Variants in WDR70 observed in about 807,000 individuals in gnomAD.
The protein encoded by WDR70 is WD repeat-containing protein 70.
A neutral mutation model predicts 88.6 loss-of-function variants in WDR70; 53 were observed. The observed-to-expected ratio is 0.60, with a 90% CI of 0.48 to 0.75. The LOEUF (loss-of-function observed/expected upper bound fraction) is 0.75. WDR70 is among the 30% of genes least tolerant of loss of function. The pLI, the probability that WDR70 is intolerant of heterozygous loss-of-function variation, is 0.00. For missense variants in WDR70, 610 were observed against 823.2 expected, an observed-to-expected ratio of 0.74 and a Z score of 3.17; for synonymous variants, 280 against 270.0, an observed-to-expected ratio of 1.04 and a Z score of -0.36.
chr5:37,750,241 A>C (rs1021379786), intron 17 of WDR70, among the ~76,000 whole-genome samples: 1 of 152,146 alleles, frequency 6.6e-6, no homozygotes, highest in Non-Finnish European at 1.5e-5. Context: ...TATTAAAAAG[A>C]CTAATATCTT....
chr5:37,712,006 T>TC (rs1747526565), intron 13 of WDR70, among the ~76,000 whole-genome samples: 1 of 109,786 alleles, frequency 9.1e-6, no homozygotes, highest in Non-Finnish European at 2.2e-5. Flanking sequence ...TTTTTTTTTT[T>TC]TCTTGAGACG....
intron 10 of WDR70, among the ~76,000 whole-genome samples, chr5:37,679,764 C>T (rs1009407602): frequency 3.3e-5 from 5 of 152,200 alleles, no homozygotes; most frequent in Non-Finnish European, 5.9e-5. Context: ...CTCTTCAGAG[C>T]TGTCAGACCG....
chr5:37,446,338 C>A (rs1197754221), intron 7 of WDR70, among the ~76,000 whole-genome samples: 19 of 152,076 alleles, frequency 1.2e-4, no homozygotes, highest in Admixed American at 8.5e-4. Context: ...TAGGAAGAAT[C>A]AATATCGTGA....
intron 8 of WDR70, among the ~76,000 whole-genome samples, chr5:37,481,032 G>A (rs1739648624): frequency 6.6e-6 from 1 of 152,200 alleles, no homozygotes. Flanking sequence ...GCTCCAAAAT[G>A]ACCTCCTTTG....
intron 17 of WDR70, among the ~76,000 whole-genome samples, chr5:37,743,939 C>T (rs955653973): frequency 6.6e-6 from 1 of 152,188 alleles, no homozygotes; most frequent in Non-Finnish European, 1.5e-5. Flanking sequence ...TTAAATGGGT[C>T]CTGCTCCCCA....
intron 10 of WDR70, among the ~76,000 whole-genome samples, chr5:37,629,206 G>A (rs1744747736): frequency 6.6e-6 from 1 of 151,994 alleles, no homozygotes; most frequent in Non-Finnish European, 1.5e-5. Context: ...AATGCTTTTG[G>A]AATTCTTTGT....
At chr5:37,693,359 A>G (rs1746868799) in intron 10 of WDR70, among the ~76,000 whole-genome samples, 1 of 152,192 alleles carries the variant, frequency 6.6e-6, no homozygotes, top group Admixed American at 6.5e-5. Flanking sequence ...GGAAAAAACT[A>G]CTTTAAAGTT....
At chr5:37,434,597 G>A (rs1333390972) in intron 5 of WDR70, among the ~76,000 whole-genome samples, 2 of 152,134 alleles carry the variant, frequency 1.3e-5, no homozygotes, top group Non-Finnish European at 2.9e-5. Flanking sequence ...TAGCCTAGAA[G>A]GGTTGTTTCT....
chr5:37,415,648 G>C (rs1450590460), intron 5 of WDR70, among the ~76,000 whole-genome samples: 1 of 150,366 alleles, frequency 6.7e-6, no homozygotes, highest in Non-Finnish European at 1.5e-5. Context: ...CGGGGCGGCT[G>C]GCCGGGCGGG....
chr5:37,481,331 C>T (rs1279319483), intron 8 of WDR70, among the ~76,000 whole-genome samples: 1 of 140,044 alleles, frequency 7.1e-6, no homozygotes, highest in African/African-American at 3.3e-5. Context: ...TCCATGAGGG[C>T]CCCCCCCGCT....
chr5:37,397,427 C>T (rs1316862390), intron 5 of WDR70, among the ~76,000 whole-genome samples: 2 of 149,088 alleles, frequency 1.3e-5, no homozygotes, highest in Non-Finnish European at 3.0e-5. Context: ...TGAGATTGTG[C>T]CATTGCACGC....
At chr5:37,622,194 A>G (rs531951706) in intron 10 of WDR70, among the ~76,000 whole-genome samples, 1 of 152,298 alleles carries the variant, frequency 6.6e-6, no homozygotes, top group Admixed American at 6.5e-5. Context: ...ACAATGAGAT[A>G]CCATCTCTCA....
chr5:37,724,253 T>G (rs774697435), intron 15 of WDR70: 1 of 152,188 alleles, frequency 6.6e-6, no homozygotes, highest in African/African-American at 2.4e-5. Context: ...TCTTTTATAT[T>G]CTGAAATTTA....
intron 5 of WDR70, among the ~76,000 whole-genome samples, chr5:37,435,058 AT>A (rs1472958853): frequency 6.6e-6 from 1 of 152,206 alleles, no homozygotes; most frequent in Non-Finnish European, 1.5e-5. Context: ...TATGCCATGC[AT>A]GACTTCCAGT....
intron 10 of WDR70, among the ~76,000 whole-genome samples, chr5:37,610,831 G>A (rs1744171417): frequency 6.6e-6 from 1 of 152,098 alleles, no homozygotes; most frequent in East Asian, 1.9e-4. Context: ...AGGATTAATA[G>A]GGATTACAGA....
At chr5:37,582,840 C>G (rs568827114) in intron 9 of WDR70, among the ~76,000 whole-genome samples, 1 of 152,288 alleles carries the variant, frequency 6.6e-6, no homozygotes, top group African/African-American at 2.4e-5. Flanking sequence ...GAGAGTATGC[C>G]AAGTTTCATC....
intron 10 of WDR70, among the ~76,000 whole-genome samples, chr5:37,632,768 T>C (rs1744852892): frequency 6.6e-6 from 1 of 152,206 alleles, no homozygotes; most frequent in Admixed American, 6.5e-5. Context: ...TTTAATAATT[T>C]TAGTATAGCC....
At chr5:37,566,918 T>C (rs1208219569) in intron 9 of WDR70, among the ~76,000 whole-genome samples, 2 of 152,198 alleles carry the variant, frequency 1.3e-5, no homozygotes, top group East Asian at 3.8e-4. Flanking sequence ...AAGAGTGTTA[T>C]TAGATTTCTG....
chr5:37,634,117 G>A (rs1172080698), intron 10 of WDR70, among the ~76,000 whole-genome samples: 1 of 151,794 alleles, frequency 6.6e-6, no homozygotes, highest in African/African-American at 2.4e-5. Flanking sequence ...GGCTAACACG[G>A]TGAAACCCCA....
Sources: allele counts gnomAD v4.1 joint callset (sites outside exome capture counted in the v4.1 genomes callset), GRCh38; gene constraint gnomAD v4.1.1; transcripts MANE v1.5; gene names NCBI Gene and HGNC (gene_info 2026-07-23, HGNC 2026-07-21).